LRRK1: variants seen among roughly 807,000 people sequenced by gnomAD.
LRRK1 encodes leucine-rich repeat serine/threonine-protein kinase 1.
Under a neutral mutation model 209.1 loss-of-function variants are expected in LRRK1, and 113 were observed. The ratio of observed to expected loss-of-function variants is 0.54; its 90% CI spans 0.46 to 0.63. The LOEUF (loss-of-function observed/expected upper bound fraction) is 0.63. Ranked by LOEUF, LRRK1 falls within the 30% of genes least tolerant of loss-of-function variation. LRRK1 has a pLI of 0.00. For missense variants in LRRK1, 2,284 were observed against 2,632.2 expected (o/e 0.87, Z 2.89); for synonymous variants, 1,144 against 1,099.7 (o/e 1.04, Z -0.80).
chr15:101,015,271 A>G, intron 11 of LRRK1, 55 bp from the exon 12 acceptor site: 1 of 1,413,680 alleles, frequency 7.1e-7, no homozygotes, highest in South Asian at 1.2e-5. Context: ...TCACAGCCAA[A>G]AGTAATGCTT....
At position 100,933,821 on chromosome 15, in the gene LRRK1, C is replaced by CAAAAAAA. The variant is rs67129854; in HGVS notation, c.97+9118_97+9124dup. ...TGGGCCACAGTGCCAGACTCCATCT[C>CAAAAAAA]AAAAAAAAAAAAAAAAAAAAAAAAA... On this transcript the variant is annotated intron_variant, in intron 2 of 33. Coordinates refer to ENST00000388948, the MANE Select transcript of LRRK1 (RefSeq NM_024652.6). 2.3e-4 allele frequency among the ~76,000 whole-genome samples: 10 copies of CAAAAAAA among 42,868 alleles called. 1 individual carries two copies. The highest frequency in any genetic ancestry group is 3.7e-4 in the African/African-American group (4 of 10,828). The allele number at this position is 42,868 out of a possible 152,430, so 28.1% of individuals were successfully genotyped here.
intron 2 of LRRK1, among the ~76,000 whole-genome samples, chr15:100,932,840 A>G (rs1228855590): frequency 6.6e-6 from 1 of 152,048 alleles, no homozygotes; most frequent in Non-Finnish European, 1.5e-5. Context: ...CACCCCATCT[A>G]TCTGCTGCTC....
chr15:100,974,877 A>G (rs1295434174), intron 3 of LRRK1, among the ~76,000 whole-genome samples: 6 of 152,204 alleles, frequency 3.9e-5, no homozygotes, highest in African/African-American at 1.4e-4. Context: ...GGGGCTTCTT[A>G]CTGGCTATTA....
chr15:101,033,919 A>C (rs1235092190), intron 20 of LRRK1, among the ~76,000 whole-genome samples: 1 of 152,086 alleles, frequency 6.6e-6, no homozygotes, highest in East Asian at 1.9e-4. Context: ...CTGCGTCCTC[A>C]CCAGCATCTG....
chr15:101,062,539 C>T (rs756008205), intron 30 of LRRK1, 35 bp from the exon 31 acceptor site: 1 of 1,422,112 alleles, frequency 7.0e-7, no homozygotes, highest in Non-Finnish European at 1.0e-6. Flanking sequence ...CACTTTCCAG[C>T]CTGGGTCTCA....
At chr15:100,996,407 A>G (rs563882877) in intron 6 of LRRK1, among the ~76,000 whole-genome samples, 4 of 152,348 alleles carry the variant, frequency 2.6e-5, no homozygotes, top group African/African-American at 9.6e-5. Context: ...CCTGTTCCAC[A>G]GTCGCTCGTG....
rs542644926 is a variant in LRRK1 at position 101,006,819 on chromosome 15, A to G, written c.763-2018A>G. Among the ~76,000 whole-genome samples the G allele has an allele frequency of 3.6e-4, 55 of 152,366 alleles. 1 individual carries two copies. In the South Asian group the frequency reaches 0.011, roughly 30 times the overall value. ...GAGTCGAGGTGGAGAGTGCACAGGT[A>G]TTCACTGTGTCCTAGTGCAACTTTT... On this transcript the variant is annotated intron_variant, in intron 6 of 33. Coordinates refer to ENST00000388948, the MANE Select transcript of LRRK1 (RefSeq NM_024652.6).
intron 6 of LRRK1, among the ~76,000 whole-genome samples, chr15:100,995,461 A>G (rs1002148498): frequency 6.6e-6 from 1 of 152,108 alleles, no homozygotes; most frequent in African/African-American, 2.4e-5. Context: ...GCTGGGACAC[A>G]CTCTCTAAGA....
Position 101,069,741 on chromosome 15 carries a change from A to G in LRRK1, c.*893A>G, listed in dbSNP as rs1463349682. On this transcript the variant is annotated 3_prime_UTR_variant, in exon 34 of 34. Coordinates refer to ENST00000388948, the MANE Select transcript of LRRK1 (RefSeq NM_024652.6). ...GTCAGGCTTCTGGTTGTGAAATCAC[A>G]TTGTATGGGATTTATACCAAATTAT... 6.6e-6 allele frequency: 1 copy of G among 152,652 alleles called. No individual in the cohort carries two copies. The highest frequency in any genetic ancestry group is 1.5e-5 in the Non-Finnish European group (1 of 68,044). The allele number at this position is 152,652 out of a possible 1,614,324, so 9.5% of individuals were successfully genotyped here. A position where few individuals can be genotyped will look rare whatever the true frequency, so the allele number is the denominator to read the frequency against.
At chr15:100,987,693 G>C (rs1258861444) in intron 4 of LRRK1, among the ~76,000 whole-genome samples, 1 of 152,182 alleles carries the variant, frequency 6.6e-6, no homozygotes, top group Non-Finnish European at 1.5e-5. Context: ...ATTTTGTGAT[G>C]TAGTCCTCAC....
intron 29 of LRRK1, among the ~76,000 whole-genome samples, chr15:101,058,861 G>T (rs1025333827): frequency 2.6e-5 from 4 of 152,110 alleles, no homozygotes; most frequent in South Asian, 2.1e-4. Flanking sequence ...CAGACAAGAC[G>T]TGCTTGCCGT....
intron 2 of LRRK1, among the ~76,000 whole-genome samples, chr15:100,937,806 A>G (rs1048058832): frequency 6.6e-6 from 1 of 151,812 alleles, no homozygotes; most frequent in Non-Finnish European, 1.5e-5. Context: ...AAGTGCTGGG[A>G]TTACCGGCGT....
At chr15:101,041,957 T>G (rs1177020317) in intron 20 of LRRK1, among the ~76,000 whole-genome samples, 2 of 152,196 alleles carry the variant, frequency 1.3e-5, no homozygotes, top group African/African-American at 4.8e-5. Flanking sequence ...AATATCTTGA[T>G]ATTTTTGGAC....
rs1461257632 is a variant in LRRK1, at chr15:101,073,216, G to A, written c.*4368G>A. 6.6e-6 allele frequency: 1 copy of A among 152,414 alleles called. No homozygotes were observed. The highest frequency in any genetic ancestry group is 1.5e-5 in the Non-Finnish European group (1 of 68,198). 9.4% of individuals were successfully genotyped at this position (152,414 alleles called of 1,614,324 possible). On this transcript the variant is annotated 3_prime_UTR_variant, in exon 34 of 34. Coordinates refer to ENST00000388948, the MANE Select transcript of LRRK1 (RefSeq NM_024652.6). ...CTTCAATTCCTTTCATTTTCTGGTA[G>A]AGATAAAGGAGACACGTTTTATCCG...
rs183233025 is a variant in LRRK1, at chr15:101,018,016, G to A, written c.1609+2614G>A. Among the ~76,000 whole-genome samples the A allele has an allele frequency of 4.5e-4, 68 of 152,220 alleles. 4 individuals carry two copies. The East Asian group carries it at 7.7e-3, about 17-fold the overall frequency. On this transcript the variant is annotated intron_variant, in intron 12 of 33. Transcript: ENST00000388948. ...CCAGGAATAATTTTTTAAAAAGACTGAAATCATTGGCTTCATAAACATTCA... is the reference window on the plus strand; with the variant it reads ...CCAGGAATAATTTTTTAAAAAGACTAAAATCATTGGCTTCATAAACATTCA...
At chr15:101,014,180 C>A in intron 10 of LRRK1, 136 bp from the exon 11 acceptor site, 1 of 668,192 alleles carries the variant, frequency 1.5e-6, no homozygotes, top group Non-Finnish European at 2.6e-6. Context: ...CCCCACACAG[C>A]TGGGATCTGC....
At chr15:100,999,320 G>A (rs1434821013) in intron 6 of LRRK1, among the ~76,000 whole-genome samples, 1 of 152,148 alleles carries the variant, frequency 6.6e-6, no homozygotes, top group Non-Finnish European at 1.5e-5. Flanking sequence ...TTTTAGCAAA[G>A]AAAAAGTGAT....
chr15:100,977,800 C>T (rs2031378857), intron 3 of LRRK1, among the ~76,000 whole-genome samples: 1 of 152,070 alleles, frequency 6.6e-6, no homozygotes, highest in African/African-American at 2.4e-5. Context: ...AACATAAAGA[C>T]CCAAATATCC....
rs370663048 is a variant in LRRK1, at chr15:101,024,932, G to A, written c.2197G>A (p.Val733Met). ...VWNLALGEEA[V>M]ANLQFWLLNI... ...GAACCTGGCGCTGGGGGAGGAGGCC[G>A]TGGCCAACCTCCAGTTCTGGCTGCT... is the stretch of plus-strand genomic sequence containing the variant. Residue 733 changes from valine to methionine, a missense_variant, in exon 16 of 34, where the codon GTG becomes ATG. Physicochemically the swap from Val to Met is conservative, Grantham distance 21. This residue lies in a region of LRRK1 where 780 missense variants were observed against 985.2 expected (regional missense o/e 0.79). Transcript: ENST00000388948. This position sits in a 1 kb window ranked among gnomAD's most constrained non-coding sequence, Gnocchi z 4.6. 1.1e-4 allele frequency: 174 copies of A among 1,613,804 alleles called. No homozygotes were observed. The highest frequency in any genetic ancestry group is 1.4e-4 in the Non-Finnish European group (162 of 1,179,992).
Sources: gnomAD v4.1 joint callset for allele counts (sites outside exome capture counted in the v4.1 genomes callset) on GRCh38, gnomAD v4.1.1 for gene constraint, gnomAD v4.1.1 regional missense constraint, Gnocchi (gnomAD v3.1) non-coding constraint, MANE v1.5 for transcripts, NCBI Gene and HGNC (gene_info 2026-07-23, HGNC 2026-07-21) for gene names.